The following ARHGEF4 variants were observed in gnomAD, a reference collection of about 807,000 sequenced individuals.
The protein encoded by ARHGEF4 is APC-stimulated guanine nucleotide exchange factor 1.
A neutral mutation model predicts 162.0 loss-of-function variants in ARHGEF4; 119 were observed. The observed-to-expected ratio is 0.73, with a 90% CI of 0.63 to 0.86. The LOEUF is 0.86. ARHGEF4 is among the 40% of genes least tolerant of loss of function. The pLI, the probability that ARHGEF4 is intolerant of heterozygous loss-of-function variation, is 0.00. For missense variants in ARHGEF4, 2,488 were observed against 2,456.0 expected (o/e 1.01, Z -0.28); for synonymous variants, 1,014 against 979.9 (o/e 1.03, Z -0.65).
At chr2:131,040,494 G>A (rs1212933605) in intron 8 of ARHGEF4, 54 bp downstream of exon 8, 1 of 1,476,182 alleles carries the variant, frequency 6.8e-7, no homozygotes. Context: ...AGAGGCTGCC[G>A]CGGGCGCCAG....
At chr2:130,908,379 A>G (rs1056074432) in intron 1 of ARHGEF4, among the ~76,000 whole-genome samples, 63 of 152,312 alleles carry the variant, frequency 4.1e-4, no homozygotes, top group African/African-American at 1.5e-3. Context: ...TTCTAGGCAT[A>G]AGAACCATGT....
At position 131,040,085 on chromosome 2, in the gene ARHGEF4, G is replaced by A. The variant is rs1377108518; in HGVS notation, c.4375G>A (p.Gly1459Ser). The A allele has an allele frequency of 4.4e-6, 7 of 1,606,378 alleles. No individual in the cohort carries two copies. In the Admixed American group the frequency reaches 6.8e-5, roughly 16 times the overall value. ...GGCCGGGAACAGCGGAGCGGAGGACGGCGGGGCGGAGGCGCAGAGCAGCAA... is the reference window on the plus strand; with the variant it reads ...GGCCGGGAACAGCGGAGCGGAGGACAGCGGGGCGGAGGCGCAGAGCAGCAA... ...PLAGNSGAED[G>S]GAEAQSSKDQ... Residue 1459 changes from glycine to serine, a missense_variant, in exon 7 of 14, where the codon GGC becomes AGC. Around this residue, in one of 6 missense-constraint regions of ARHGEF4, gnomAD observed 174 missense variants for 148.3 expected, o/e 1.17. Transcript: ENST00000409359.
chr2:130,866,639 T>C (rs1682297616), intron 1 of ARHGEF4, among the ~76,000 whole-genome samples: 1 of 152,208 alleles, frequency 6.6e-6, no homozygotes, highest in South Asian at 2.1e-4. Context: ...TATTGATTGG[T>C]CTATGATTTC....
At chr2:131,041,128 C>A in intron 8 of ARHGEF4, 102 bp from the exon 9 acceptor site, 1 of 1,140,270 alleles carries the variant, frequency 8.8e-7, no homozygotes, top group Non-Finnish European at 1.3e-6. Flanking sequence ...CCCAGCCCAG[C>A]TCCTGAAGGA....
chr2:130,849,215 A>G (rs1315491329), intron 1 of ARHGEF4, among the ~76,000 whole-genome samples: 1 of 152,194 alleles, frequency 6.6e-6, no homozygotes, highest in Non-Finnish European at 1.5e-5. Flanking sequence ...CCAAAGAGTA[A>G]CGGGAGAGTG....
chr2:130,851,229 G>T (rs1330729050), intron 1 of ARHGEF4, among the ~76,000 whole-genome samples: 2 of 152,390 alleles, frequency 1.3e-5, no homozygotes, highest in East Asian at 3.9e-4. Context: ...CAGCCAGGCA[G>T]CTGTGACCTG....
At chr2:131,025,185 A>C (rs1427483599) in intron 4 of ARHGEF4, among the ~76,000 whole-genome samples, 1 of 152,218 alleles carries the variant, frequency 6.6e-6, no homozygotes, top group African/African-American at 2.4e-5. Flanking sequence ...ATCACAGCGG[A>C]AGGTGAAGGG....
At chr2:131,011,808 C>G in intron 4 of ARHGEF4, 1 of 778,876 alleles carries the variant, frequency 1.3e-6, no homozygotes, top group Non-Finnish European at 2.2e-6. Context: ...TACCAAGGAC[C>G]GCTCAGGGTA....
chr2:130,910,770 A>T (rs1283894183), intron 1 of ARHGEF4, among the ~76,000 whole-genome samples: 1 of 152,254 alleles, frequency 6.6e-6, no homozygotes, highest in South Asian at 2.1e-4. Flanking sequence ...TCAAAAAATC[A>T]GTATCACACA....
Position 131,047,123 on chromosome 2 carries a change from G to C in ARHGEF4, c.*934G>C, listed in dbSNP as rs1332186808. ...GCCCTGTCCTGCCAAGGGGCGCCAG[G>C]AGCAGAGCCAGGGCCTGGCGAGCTG... is the stretch of plus-strand genomic sequence containing the variant. On this transcript the variant is annotated 3_prime_UTR_variant, in exon 14 of 14. Coordinates refer to ENST00000409359, the MANE Select transcript of ARHGEF4 (RefSeq NM_001367493.1). The C allele has an allele frequency of 6.6e-6, 1 of 152,480 alleles. No individual in the cohort carries two copies. The highest frequency in any genetic ancestry group is 2.4e-5 in the African/African-American group (1 of 41,478). 9.4% of individuals were successfully genotyped at this position (152,480 alleles called of 1,614,324 possible).
At chr2:131,010,320 CA>C (rs1200943309) in intron 4 of ARHGEF4, among the ~76,000 whole-genome samples, 1 of 152,194 alleles carries the variant, frequency 6.6e-6, no homozygotes, top group Admixed American at 6.5e-5. Context: ...GAAACTCAGC[CA>C]GGGGTATTCC....
intron 10 of ARHGEF4, among the ~76,000 whole-genome samples, 188 bp from the exon 11 acceptor site, chr2:131,043,264 A>G (rs1475133625): frequency 2.0e-5 from 3 of 152,114 alleles, no homozygotes; most frequent in Non-Finnish European, 2.9e-5. Flanking sequence ...GGGGGCTCCT[A>G]TTTTGCAAGG....
In ARHGEF4 at chr2:130,916,346, C is replaced by T. The variant is rs1442109194; in HGVS notation, c.2400C>T (p.Phe800=). 4 of 1,542,924 alleles carry T rather than the reference C, an allele frequency of 2.6e-6. No homozygotes were observed. In the East Asian group the frequency reaches 7.4e-5, roughly 28 times the overall value. The change falls in exon 2 of 14, where the codon TTC becomes TTT. Residue 800 remains phenylalanine, a synonymous_variant. Transcript: ENST00000409359. ...CGACGTTTTCCAAGGTGACCTCCTT[C>T]AGGAAGGGCAGGCCCTTGGCCACTG... ...KRPTFSKVTS[F]RKGRPLATES... is the part of the protein sequence containing the mutation.
intron 3 of ARHGEF4, among the ~76,000 whole-genome samples, chr2:130,943,964 G>T (rs1683457525): frequency 6.6e-6 from 1 of 152,088 alleles, no homozygotes; most frequent in Non-Finnish European, 1.5e-5. Flanking sequence ...CTTTAACATT[G>T]CTTTAGAATA....
intron 3 of ARHGEF4, among the ~76,000 whole-genome samples, chr2:130,936,962 C>T (rs1306184287): frequency 7.8e-6 from 1 of 128,026 alleles, no homozygotes; most frequent in Non-Finnish European, 1.5e-5. Context: ...GGCTGGAGCA[C>T]GATGGTGCAA....
intron 1 of ARHGEF4, among the ~76,000 whole-genome samples, chr2:130,912,463 C>G (rs1046280184): frequency 6.6e-6 from 1 of 152,222 alleles, no homozygotes; most frequent in Non-Finnish European, 1.5e-5. Context: ...TGTTATTCCT[C>G]ATGTTCTACC....
intron 5 of ARHGEF4, among the ~76,000 whole-genome samples, chr2:131,034,580 G>T (rs965989996): frequency 6.6e-6 from 1 of 152,212 alleles, no homozygotes; most frequent in Admixed American, 6.5e-5. Flanking sequence ...TAACCTTTCA[G>T]AGCCACGTTT....
At chr2:130,896,100 T>C (rs1208278634) in intron 1 of ARHGEF4, among the ~76,000 whole-genome samples, 1 of 152,200 alleles carries the variant, frequency 6.6e-6, no homozygotes, top group African/African-American at 2.4e-5. Flanking sequence ...GTTCCAGTAT[T>C]ATTTGTTGAA....
chr2:130,911,228 C>G (rs907854389), intron 1 of ARHGEF4, among the ~76,000 whole-genome samples: 2 of 152,224 alleles, frequency 1.3e-5, no homozygotes, highest in African/African-American at 4.8e-5. Flanking sequence ...GGAACACTCA[C>G]TGCAGCTGTT....
Sources: gnomAD v4.1 joint callset for allele counts (sites outside exome capture counted in the v4.1 genomes callset) on GRCh38, gnomAD v4.1.1 for gene constraint, gnomAD v4.1.1 regional missense constraint, MANE v1.5 for transcripts, NCBI Gene and HGNC (gene_info 2026-07-23, HGNC 2026-07-21) for gene names.